Variants in F13A1 observed in about 807,000 individuals in gnomAD.
F13A1 encodes coagulation factor XIII A chain.
Under a neutral mutation model 80.1 loss-of-function variants are expected in F13A1, and 47 were observed. The observed-to-expected ratio is 0.59, with a 90% CI of 0.46 to 0.75. The LOEUF (loss-of-function observed/expected upper bound fraction) is 0.75. F13A1 is among the 30% of genes least tolerant of loss of function. The pLI, the probability that F13A1 is intolerant of heterozygous loss-of-function variation, is 0.00. For synonymous variants in F13A1, 349 were observed against 344.9 expected, an observed-to-expected ratio of 1.01 and a Z score of -0.13; for missense variants, 817 against 930.4, an observed-to-expected ratio of 0.88 and a Z score of 1.59.
intron 3 of F13A1, among the ~76,000 whole-genome samples, chr6:6,267,750 T>C (rs549994179): frequency 6.7e-6 from 1 of 149,618 alleles, no homozygotes; most frequent in East Asian, 2.0e-4. Flanking sequence ...TAAAAAAAAA[T>C]AAGGGATGAA....
intron 6 of F13A1, among the ~76,000 whole-genome samples, chr6:6,241,494 ATTTGT>A (rs1301965560): frequency 6.6e-6 from 1 of 152,178 alleles, no homozygotes. Flanking sequence ...CATAATCATG[ATTTGT>A]TTTGATAGAT....
At chr6:6,274,533 C>T (rs192773291) in intron 3 of F13A1, among the ~76,000 whole-genome samples, 1 of 152,298 alleles carries the variant, frequency 6.6e-6, no homozygotes, top group Non-Finnish European at 1.5e-5. Context: ...ATGCCAGTGG[C>T]ATTCACAGGA....
intron 6 of F13A1, among the ~76,000 whole-genome samples, chr6:6,225,413 T>C (rs1335089060): frequency 6.6e-6 from 1 of 152,222 alleles, no homozygotes; most frequent in Non-Finnish European, 1.5e-5. Context: ...TAACAGATGT[T>C]GTCTTGGAAT....
At chr6:6,156,165 T>C (rs185232167) in intron 13 of F13A1, among the ~76,000 whole-genome samples, 122 of 152,328 alleles carry the variant, frequency 8.0e-4, no homozygotes, top group African/African-American at 2.8e-3. Context: ...TCTCTCTCTG[T>C]TTTAAAAAAA....
intron 1 of F13A1, among the ~76,000 whole-genome samples, chr6:6,319,241 C>T (rs1222218337): frequency 6.6e-6 from 1 of 152,122 alleles, no homozygotes; most frequent in Non-Finnish European, 1.5e-5. Context: ...GAGAACAAAA[C>T]AGAATGTTTG....
At chr6:6,303,287 T>C (rs1366867562) in intron 3 of F13A1, among the ~76,000 whole-genome samples, 3 of 152,224 alleles carry the variant, frequency 2.0e-5, no homozygotes, top group Admixed American at 6.5e-5. Flanking sequence ...AAGATTATTT[T>C]ATACAAGTCC....
rs542757681 is a variant in F13A1, at chr6:6,261,393, C to T, written c.571+5165G>A. Among the ~76,000 whole-genome samples, 15 of 152,294 alleles carry T rather than the reference C, an allele frequency of 9.8e-5. No homozygotes were observed. In the South Asian group the frequency reaches 2.7e-3, roughly 27 times the overall value. ...CCTCAGCTTCCCAAGTAGCTGGGAC[C>T]GCAGGCTGCTCTGGGGGCCATGCCC... On this transcript the variant is annotated intron_variant, in intron 4 of 14. Transcript: ENST00000264870.
chr6:6,299,721 G>A lies in F13A1; in HGVS notation c.319+5630C>T, dbSNP rs546988659. 7.3e-4 allele frequency among the ~76,000 whole-genome samples: 107 copies of A among 145,644 alleles called. 4 individuals carry two copies. Among genetic ancestry groups the A allele is most frequent in the African/African-American group, 2.7e-3 (99 of 36,314 alleles). ...GTCCTCCCGTAGCTCAGAGTAATTTGATCGTCTGAAGCCTTCTTCTCTCAG... is the reference window on the plus strand; with the variant it reads ...GTCCTCCCGTAGCTCAGAGTAATTTAATCGTCTGAAGCCTTCTTCTCTCAG... On this transcript the variant is annotated intron_variant, in intron 3 of 14. Transcript: ENST00000264870.
intron 11 of F13A1, among the ~76,000 whole-genome samples, chr6:6,178,873 C>T (rs988185306): frequency 3.9e-5 from 6 of 152,162 alleles, no homozygotes; most frequent in Admixed American, 2.0e-4. Flanking sequence ...AAGCTGAAGT[C>T]TGCAAAATGT....
At chr6:6,189,771 G>T (rs535777893) in intron 10 of F13A1, among the ~76,000 whole-genome samples, 1 of 150,600 alleles carries the variant, frequency 6.6e-6, no homozygotes, top group Non-Finnish European at 1.5e-5. Flanking sequence ...ATGTTGGCCT[G>T]CCTTGCTAGA....
At chr6:6,168,776 G>A (rs1223736050) in intron 12 of F13A1, among the ~76,000 whole-genome samples, 1 of 152,212 alleles carries the variant, frequency 6.6e-6, no homozygotes, top group Non-Finnish European at 1.5e-5. Flanking sequence ...GCAGGGTGGG[G>A]TGCCTGTGGA....
chr6:6,319,254 C>G (rs1221253150), intron 1 of F13A1, among the ~76,000 whole-genome samples: 2 of 152,114 alleles, frequency 1.3e-5, no homozygotes, highest in African/African-American at 4.8e-5. Context: ...AATGTTTGCT[C>G]TGATAGATTA....
At chr6:6,305,568 A>T in intron 2 of F13A1, 29 bp from the exon 3 acceptor site, 1 of 1,609,582 alleles carries the variant, frequency 6.2e-7, no homozygotes, top group Non-Finnish European at 8.5e-7. Context: ...AGGGTTGAAG[A>T]AAATAATCAA....
intron 10 of F13A1, 100 bp downstream of exon 10, chr6:6,195,697 A>C (rs1311397238): frequency 9.8e-7 from 1 of 1,020,106 alleles, no homozygotes; most frequent in Non-Finnish European, 1.5e-6. Context: ...AGCATACGCT[A>C]TGTACCTGGA....
chr6:6,251,452 C>T (rs997313793), intron 4 of F13A1, among the ~76,000 whole-genome samples: 2 of 152,138 alleles, frequency 1.3e-5, no homozygotes, highest in African/African-American at 4.8e-5. Context: ...ATGAAAGATA[C>T]TTGTGAATGT....
intron 6 of F13A1, among the ~76,000 whole-genome samples, chr6:6,239,151 A>G (rs1757452934): frequency 6.6e-6 from 1 of 152,192 alleles, no homozygotes; most frequent in Non-Finnish European, 1.5e-5. Flanking sequence ...ATACAATGCA[A>G]TAAAATACTT....
At chr6:6,235,951 A>T (rs570000293) in intron 6 of F13A1, among the ~76,000 whole-genome samples, 1 of 152,286 alleles carries the variant, frequency 6.6e-6, no homozygotes, top group South Asian at 2.1e-4. Flanking sequence ...ACAATGAAAC[A>T]CTACTACTCA....
At chr6:6,203,978 AAAACCCAGT>A (rs1166321242) in intron 8 of F13A1, among the ~76,000 whole-genome samples, 1 of 152,194 alleles carries the variant, frequency 6.6e-6, no homozygotes, top group Non-Finnish European at 1.5e-5. Flanking sequence ...TTATTTTACC[AAAACCCAGT>A]AGAGCACAGT....
chr6:6,212,287 G>C (rs1027284258), intron 8 of F13A1, among the ~76,000 whole-genome samples: 1 of 152,210 alleles, frequency 6.6e-6, no homozygotes, highest in African/African-American at 2.4e-5. Context: ...CTGTCTGACA[G>C]CTTTGAAGAG....
Sources: gnomAD v4.1 joint callset for allele counts (sites outside exome capture counted in the v4.1 genomes callset) on GRCh38, gnomAD v4.1.1 for gene constraint, MANE v1.5 for transcripts, NCBI Gene and HGNC (gene_info 2026-07-23, HGNC 2026-07-21) for gene names.